RARB: variants seen among roughly 807,000 people sequenced by gnomAD.
RARB encodes the protein retinoic acid receptor beta, also known as HBV-activated protein.
In RARB, 17 loss-of-function variants were observed where a neutral mutation model predicts 51.9. That is an observed-to-expected ratio of 0.33 (90% CI 0.22 to 0.49). RARB has a LOEUF of 0.49. Among genes scored for constraint, RARB ranks in the 20% least tolerant of loss-of-function variants. RARB has a pLI of 0.99. For synonymous variants in RARB, 215 were observed against 195.4 expected (o/e 1.10, Z -0.84); for missense variants, 369 against 550.8 (o/e 0.67, Z 3.30).
chr3:24,902,721 A>G (rs752239639), intron 2 of RARB, among the ~76,000 whole-genome samples: 2 of 152,150 alleles, frequency 1.3e-5, no homozygotes, highest in Admixed American at 6.6e-5. Flanking sequence ...GCTCACTGAC[A>G]TGTTTTGAAA....
At chr3:25,239,710 A>C (rs1213410409) in intron 5 of RARB, among the ~76,000 whole-genome samples, 1 of 152,118 alleles carries the variant, frequency 6.6e-6, no homozygotes, top group African/African-American at 2.4e-5. Flanking sequence ...AGAGACTTGA[A>C]ATATATTTCG....
At chr3:25,343,326 T>A (rs760136491) in intron 5 of RARB, among the ~76,000 whole-genome samples, 6 of 152,130 alleles carry the variant, frequency 3.9e-5, no homozygotes, top group Non-Finnish European at 7.3e-5. Flanking sequence ...TAGCATATTA[T>A]CAGTCAATAT....
rs561788481 is a variant in RARB, at chr3:25,395,222, A to T, written c.179-65971A>T. ...ATTGTTTTGTTTAAGGACGCTAAAA[A>T]TAGGACCCCAATCCCTTGTGGCTTG... On this transcript the variant is annotated intron_variant, in intron 5 of 11. Coordinates refer to the RARB transcript ENST00000383772. Among the ~76,000 whole-genome samples the T allele has an allele frequency of 1.6e-3, 246 of 152,328 alleles. 1 individual carries two copies. Among genetic ancestry groups the T allele is most frequent in the African/African-American group, 5.7e-3 (238 of 41,588 alleles).
Position 24,906,218 on chromosome 3 carries a change from G to C in RARB, c.-380+47466G>C, listed in dbSNP as rs60160997. 6.5e-3 allele frequency among the ~76,000 whole-genome samples: 997 copies of C among 152,294 alleles called. 14 individuals carry two copies. Among genetic ancestry groups the C allele is most frequent in the African/African-American group, 0.023 (944 of 41,560 alleles). Reference sequence around the variant, plus strand: ...TGCTGTAGCTAGTAGCTGGGTAGAAGTAGTCTATTTGGGAGAGTATATGAG... The same window carrying C: ...TGCTGTAGCTAGTAGCTGGGTAGAACTAGTCTATTTGGGAGAGTATATGAG... On this transcript the variant is annotated intron_variant, in intron 2 of 11. Transcript: ENST00000383772.
chr3:25,215,440 C>T (rs1388509223), intron 5 of RARB, among the ~76,000 whole-genome samples: 1 of 152,074 alleles, frequency 6.6e-6, no homozygotes, highest in Non-Finnish European at 1.5e-5. Context: ...CTGACATGTC[C>T]ATCCACAGTA....
intron 5 of RARB, among the ~76,000 whole-genome samples, chr3:25,391,877 A>G (rs4681056): frequency 0.14 from 21,894 of 152,188 alleles, 2,113 homozygotes; most frequent in Admixed American, 0.29. Context: ...TTTGCTGTGC[A>G]GAAGCTTTTT....
intron 2 of RARB, among the ~76,000 whole-genome samples, chr3:24,888,413 TTA>T (rs1703305343): frequency 6.6e-6 from 1 of 152,134 alleles, no homozygotes; most frequent in African/African-American, 2.4e-5. Flanking sequence ...TATTCTTTTT[TTA>T]TTTTTATTTT....
At chr3:25,052,714 G>A (rs906081854) in intron 2 of RARB, among the ~76,000 whole-genome samples, 7 of 152,112 alleles carry the variant, frequency 4.6e-5, no homozygotes, top group African/African-American at 1.7e-4. Context: ...AAAGTAGATT[G>A]CAATTTAACA....
intron 5 of RARB, among the ~76,000 whole-genome samples, chr3:25,380,689 G>C (rs1393254568): frequency 1.3e-5 from 2 of 152,170 alleles, no homozygotes; most frequent in African/African-American, 4.8e-5. Context: ...ATATTCTAAA[G>C]ATGAAGAAGA....
intron 5 of RARB, among the ~76,000 whole-genome samples, chr3:25,354,811 C>T (rs900218371): frequency 6.6e-6 from 1 of 152,108 alleles, no homozygotes; most frequent in African/African-American, 2.4e-5. Context: ...AAGGGGTCCT[C>T]CCTGGGGTTA....
rs906648090 is a variant in RARB at position 24,922,037 on chromosome 3, T to C, written c.-380+63285T>C. ...GTCTCTAGGTCTGCATGCTAGACCC[T>C]TGGGGCTAAGGCAAGTTTATTTTGC... On this transcript the variant is annotated intron_variant, in intron 2 of 11. Transcript: ENST00000383772. Among the ~76,000 whole-genome samples, 60 of 152,292 alleles carry C rather than the reference T, an allele frequency of 3.9e-4. 1 individual carries two copies. Among genetic ancestry groups the C allele is most frequent in the African/African-American group, 1.4e-3 (59 of 41,562 alleles).
intron 2 of RARB, among the ~76,000 whole-genome samples, chr3:24,979,557 A>T (rs1196509317): frequency 6.7e-6 from 1 of 149,822 alleles, no homozygotes; most frequent in African/African-American, 2.4e-5. Flanking sequence ...CCAGGATTGC[A>T]ACTCCTCCTG....
chr3:24,931,254 T>G (rs1695433998), intron 2 of RARB, among the ~76,000 whole-genome samples: 1 of 152,092 alleles, frequency 6.6e-6, no homozygotes, highest in African/African-American at 2.4e-5. Flanking sequence ...TAAATATAAG[T>G]GTAGTTTTTA....
At chr3:25,289,394 A>G (rs1039319520) in intron 5 of RARB, among the ~76,000 whole-genome samples, 1 of 152,190 alleles carries the variant, frequency 6.6e-6, no homozygotes, top group African/African-American at 2.4e-5. Context: ...TGTTACCATC[A>G]GTCACCTCTC....
At chr3:25,437,817 C>CT (rs1276793705) in intron 1 of RARB, among the ~76,000 whole-genome samples, 1 of 152,188 alleles carries the variant, frequency 6.6e-6, no homozygotes, top group Non-Finnish European at 1.5e-5. Context: ...AAACTAGCTT[C>CT]TTGAAGACTT....
intron 5 of RARB, among the ~76,000 whole-genome samples, chr3:25,405,249 T>G (rs1707375254): frequency 6.6e-6 from 1 of 152,204 alleles, no homozygotes; most frequent in African/African-American, 2.4e-5. Context: ...CTGGGCACAA[T>G]GGCTCATGGC....
chr3:24,974,191 C>T (rs915870970), intron 2 of RARB, among the ~76,000 whole-genome samples: 5 of 152,120 alleles, frequency 3.3e-5, no homozygotes, highest in Admixed American at 3.3e-4. Context: ...GATTTTCCAG[C>T]ATCAATTGAA....
chr3:25,259,238 A>T (rs1022721427), intron 5 of RARB, among the ~76,000 whole-genome samples: 4 of 152,132 alleles, frequency 2.6e-5, no homozygotes, highest in African/African-American at 7.2e-5. Flanking sequence ...TTTCCATAAT[A>T]GGGAGTTTTT....
intron 3 of RARB, among the ~76,000 whole-genome samples, chr3:25,076,916 A>C (rs1394564396): frequency 6.6e-6 from 1 of 152,172 alleles, no homozygotes; most frequent in Non-Finnish European, 1.5e-5. Flanking sequence ...TCTAGGACAA[A>C]TCTGGTCCAA....
Sources: gnomAD v4.1 joint callset for allele counts (sites outside exome capture counted in the v4.1 genomes callset) on GRCh38, gnomAD v4.1.1 for gene constraint, MANE v1.5 for transcripts, NCBI Gene and HGNC (gene_info 2026-07-23, HGNC 2026-07-21) for gene names.